TMEM116: variants seen among roughly 807,000 people sequenced by gnomAD.
TMEM116 encodes transmembrane protein 116.
Under a neutral mutation model 44.3 loss-of-function variants are expected in TMEM116, and 38 were observed. The ratio of observed to expected loss-of-function variants is 0.86; its 90% CI spans 0.66 to 1.12. TMEM116 has a LOEUF of 1.12. Among genes scored for constraint, TMEM116 ranks in the 50% most tolerant of loss-of-function variants. The pLI is 0.00. For missense variants in TMEM116, 354 were observed against 401.7 expected, an observed-to-expected ratio of 0.88 and a Z score of 1.01; for synonymous variants, 132 against 144.8, an observed-to-expected ratio of 0.91 and a Z score of 0.64.
At chr12:111,952,932 C>T (rs540427637) in intron 4 of TMEM116, among the ~76,000 whole-genome samples, 2 of 152,232 alleles carry the variant, frequency 1.3e-5, no homozygotes, top group South Asian at 4.2e-4. Flanking sequence ...CACCTAATTC[C>T]CCATGGTCAT....
intron 8 of TMEM116, 55 bp from the exon 9 acceptor site, chr12:111,934,085 G>C: frequency 6.4e-7 from 1 of 1,573,760 alleles, no homozygotes; most frequent in Non-Finnish European, 8.7e-7. Context: ...AAATGCCCCA[G>C]GTCTATCCTC....
intron 4 of TMEM116, among the ~76,000 whole-genome samples, chr12:111,973,116 C>T (rs60217649): frequency 0.2 from 29,774 of 151,854 alleles, 3,138 homozygotes; most frequent in Middle Eastern, 0.27. Context: ...CCAGTCTGGC[C>T]GATAGGGTGG....
intron 3 of TMEM116, among the ~76,000 whole-genome samples, chr12:111,997,556 T>C (rs192238002): frequency 1.3e-5 from 2 of 149,886 alleles, no homozygotes; most frequent in Non-Finnish European, 3.0e-5. Flanking sequence ...TCCTGTTATC[T>C]AAAAAAAAAC....
chr12:111,983,251 T>C (rs1001736027), intron 4 of TMEM116, among the ~76,000 whole-genome samples: 1 of 151,904 alleles, frequency 6.6e-6, no homozygotes, highest in Non-Finnish European at 1.5e-5. Context: ...GCCTGACCAA[T>C]ATGGTGAAAC....
At chr12:111,949,640 T>C (rs1353655876) in intron 4 of TMEM116, among the ~76,000 whole-genome samples, 1 of 152,220 alleles carries the variant, frequency 6.6e-6, no homozygotes, top group Non-Finnish European at 1.5e-5. Context: ...AAAAAACTTA[T>C]GTTTCTAAGA....
In TMEM116 at chr12:112,007,477, TA is replaced by T. The variant is rs571513754; in HGVS notation, c.-33-2175del. ...CCAAACCAACCAAACAAAAAGATTA[TA>T]GTCTATAGCGGAAGACCAGACATTG... On this transcript the variant is annotated intron_variant, in intron 1 of 10. Coordinates refer to ENST00000552374, the MANE Select transcript of TMEM116 (RefSeq NM_001193531.2). Among the ~76,000 whole-genome samples, 213 of 152,208 alleles carry T rather than the reference TA, an allele frequency of 1.4e-3. 1 individual carries two copies. Among genetic ancestry groups the T allele is most frequent in the African/African-American group, 5.0e-3 (206 of 41,554 alleles).
intron 4 of TMEM116, among the ~76,000 whole-genome samples, chr12:111,984,847 T>A (rs184810294): frequency 0.013 from 1,915 of 151,968 alleles, 44 homozygotes; most frequent in African/African-American, 0.044. Flanking sequence ...AAAAAAAAAA[T>A]TTTAAATGTT....
At chr12:111,942,220 G>A (rs998906877) in intron 5 of TMEM116, among the ~76,000 whole-genome samples, 2 of 152,058 alleles carry the variant, frequency 1.3e-5, no homozygotes, top group South Asian at 4.2e-4. Flanking sequence ...TTACAGGTGT[G>A]AGCCACCACG....
intron 4 of TMEM116, among the ~76,000 whole-genome samples, chr12:111,984,019 A>G (rs1458078492): frequency 2.0e-5 from 3 of 152,222 alleles, no homozygotes; most frequent in African/African-American, 7.2e-5. Flanking sequence ...ATGGTTCAAC[A>G]TACAAAAATC....
At chr12:111,993,867 C>T in intron 3 of TMEM116, 1 of 748,126 alleles carries the variant, frequency 1.3e-6, no homozygotes. Flanking sequence ...AAAAAGGTAG[C>T]AGTGCTTCTC....
At chr12:112,001,016 A>AT (rs2077224297) in intron 3 of TMEM116, 1 of 207,242 alleles carries the variant, frequency 4.8e-6, no homozygotes, top group Non-Finnish European at 1.0e-5. Flanking sequence ...GGTCCAACTG[A>AT]TTCCTCTCTG....
chr12:111,958,409 G>A (rs544451953), intron 4 of TMEM116, among the ~76,000 whole-genome samples: 41 of 149,498 alleles, frequency 2.7e-4, no homozygotes, highest in African/African-American at 1.0e-3. Flanking sequence ...CAAAAAGGCT[G>A]AAAATTCCAA....
At chr12:111,983,764 C>CACCA (rs2076076999) in intron 4 of TMEM116, among the ~76,000 whole-genome samples, 1 of 152,092 alleles carries the variant, frequency 6.6e-6, no homozygotes, top group South Asian at 2.1e-4. Flanking sequence ...GAATAACTAC[C>CACCA]ACCAAAACCT....
At chr12:111,966,876 C>T (rs1486854797) in intron 4 of TMEM116, among the ~76,000 whole-genome samples, 3 of 152,176 alleles carry the variant, frequency 2.0e-5, no homozygotes, top group Non-Finnish European at 4.4e-5. Flanking sequence ...GGCTCTAATG[C>T]CTTAACAGAC....
At chr12:111,959,341 G>A (rs2074402808) in intron 4 of TMEM116, among the ~76,000 whole-genome samples, 1 of 152,148 alleles carries the variant, frequency 6.6e-6, no homozygotes, top group African/African-American at 2.4e-5. Flanking sequence ...AAGAGCTCTT[G>A]AAGGAAGCAC....
chr12:112,012,257 ATC>A (rs2077875980), intron 1 of TMEM116: 3 of 152,166 alleles, frequency 2.0e-5, no homozygotes, highest in Non-Finnish European at 2.9e-5. Context: ...GGATGGCTGA[ATC>A]TCTGTCTCTT....
At chr12:111,993,859 A>T (rs1311642162) in intron 3 of TMEM116, 5 of 751,526 alleles carry the variant, frequency 6.7e-6, no homozygotes, top group Non-Finnish European at 1.2e-5. Flanking sequence ...GAATAAAGAA[A>T]AAGGTAGCAG....
rs1308371976 is a variant in TMEM116, at chr12:111,969,768, C to T, written c.210+21990G>A. Among the ~76,000 whole-genome samples the T allele has an allele frequency of 6.9e-5, 10 of 145,256 alleles. No individual in the cohort carries two copies. In the South Asian group the frequency reaches 1.5e-3, roughly 22 times the overall value. On this transcript the variant is annotated intron_variant, in intron 4 of 10. Coordinates refer to ENST00000552374, the MANE Select transcript of TMEM116 (RefSeq NM_001193531.2). ...AAATTTTTTTGTATTTTAGTAGAGA[C>T]GGGGTTTCTCCATGTTGGCTAGGCT... is the stretch of plus-strand genomic sequence containing the variant.
chr12:111,946,842 G>A (rs1376141252), intron 4 of TMEM116, among the ~76,000 whole-genome samples: 1 of 152,152 alleles, frequency 6.6e-6, no homozygotes, highest in Non-Finnish European at 1.5e-5. Context: ...GCATGTAGAA[G>A]TTACATCCTA....
Sources: allele counts gnomAD v4.1 joint callset (sites outside exome capture counted in the v4.1 genomes callset), GRCh38; gene constraint gnomAD v4.1.1; transcripts MANE v1.5; gene names NCBI Gene and HGNC (gene_info 2026-07-23, HGNC 2026-07-21).